Variants in SEPTIN10 observed in about 807,000 individuals in gnomAD.
SEPTIN10 encodes the protein septin 10.
Under a neutral mutation model 54.8 loss-of-function variants are expected in SEPTIN10, and 66 were observed. That is an observed-to-expected ratio of 1.21 (90% CI 0.99 to 1.48). The LOEUF is 1.48. Ranked by LOEUF, SEPTIN10 falls within the 40% of genes most tolerant of loss-of-function variation. The pLI is 0.00. For synonymous variants in SEPTIN10, 161 were observed against 181.0 expected, an observed-to-expected ratio of 0.89 and a Z score of 0.89; for missense variants, 620 against 545.6, an observed-to-expected ratio of 1.14 and a Z score of -1.36.
chr2:109,608,067 C>CTATACATCT lies in SEPTIN10; in HGVS notation c.30+5730_30+5731insAGATGTATA, dbSNP rs765518721. ...AGTGAGAACATTTCTCATCTATACA[C>CTATACATCT]ATAGAATTAAACTTAGTCAACTATC... On this transcript the variant is annotated intron_variant, in intron 1 of 10. Coordinates refer to ENST00000397712, the MANE Select transcript of SEPTIN10 (RefSeq NM_144710.5). 7.0e-3 allele frequency among the ~76,000 whole-genome samples: 1,068 copies of CTATACATCT among 152,364 alleles called. 3 individuals carry two copies. Among genetic ancestry groups the CTATACATCT allele is most frequent in the Non-Finnish European group, 0.012 (841 of 68,032 alleles).
intron 1 of SEPTIN10, among the ~76,000 whole-genome samples, chr2:109,609,611 G>A (rs1036317): frequency 0.2 from 17,572 of 89,520 alleles, 1,168 homozygotes; most frequent in African/African-American, 0.22. Flanking sequence ...GCAAGACTCC[G>A]CCTCAAAAAA....
At chr2:109,613,665 A>T in intron 1 of SEPTIN10, 133 bp downstream of exon 1, 1 of 560,990 alleles carries the variant, frequency 1.8e-6, no homozygotes, top group Non-Finnish European at 2.6e-6. Context: ...GCCGGGGAGC[A>T]CTGGGCGGGC....
chr2:109,613,874 G>C lies in SEPTIN10; in HGVS notation c.-47C>G. On this transcript the variant is annotated 5_prime_UTR_variant, in exon 1 of 11. Coordinates refer to ENST00000397712, the MANE Select transcript of SEPTIN10 (RefSeq NM_144710.5). ...GAAGCGGCTGTATCAGCCCGGCCCC[G>C]AGCGGCTGGTCCCGGCGACGGCGGC... 8.1e-7 allele frequency: 1 copy of C among 1,230,956 alleles called. No homozygotes were observed. The highest frequency in any genetic ancestry group is 1.0e-6 in the Non-Finnish European group (1 of 987,928). The allele number at this position is 1,230,956 out of a possible 1,614,324, so 76.3% of individuals were successfully genotyped here.
chr2:109,600,304 A>G (rs1696332626), intron 1 of SEPTIN10, among the ~76,000 whole-genome samples: 1 of 152,094 alleles, frequency 6.6e-6, no homozygotes, highest in African/African-American at 2.4e-5. Context: ...TTTCACAGGC[A>G]ATACTACCCC....
At chr2:109,604,161 CA>C (rs34166921) in intron 1 of SEPTIN10, among the ~76,000 whole-genome samples, 243 of 58,684 alleles carry the variant, frequency 4.1e-3, no homozygotes, top group South Asian at 0.028. Flanking sequence ...GACTCTGCCT[CA>C]AAAAAAAAAA....
chr2:109,545,753 G>C, intron 10 of SEPTIN10: 3 of 1,426,806 alleles, frequency 2.1e-6, no homozygotes, highest in Non-Finnish European at 2.7e-6. Flanking sequence ...TATTCAATAA[G>C]AGCAGCCATT....
At chr2:109,606,892 CCCACCCACCTCAG>C (rs978585648) in intron 1 of SEPTIN10, among the ~76,000 whole-genome samples, 1 of 151,870 alleles carries the variant, frequency 6.6e-6, no homozygotes, top group Non-Finnish European at 1.5e-5. Context: ...CCGGAGGTGA[CCCACCCACCTCAG>C]CCTCCCAAAG....
intron 6 of SEPTIN10, 35 bp downstream of exon 6, chr2:109,567,780 T>G (rs763420606): frequency 5.3e-5 from 81 of 1,526,550 alleles, no homozygotes; most frequent in Non-Finnish European, 6.9e-5. Flanking sequence ...TATTTTCACA[T>G]GGAAAACAGA....
rs1053227558 is a variant in SEPTIN10, at chr2:109,584,289, C to A, written c.413+837G>T. The stretch of plus-strand genomic sequence containing the variant: ...GTCAGGAGGTCGAGACCAGCCTGGC[C>A]AACAAGGTGAAACCCGTCTCTACTA... On this transcript the variant is annotated intron_variant, in intron 4 of 10. Transcript: ENST00000397712. Among the ~76,000 whole-genome samples, 9 of 45,930 alleles carry A rather than the reference C, an allele frequency of 2.0e-4. No individual in the cohort carries two copies. In the Admixed American group the frequency reaches 2.3e-3, roughly 12 times the overall value. The allele number at this position is 45,930 out of a possible 152,430, so 30.1% of individuals were successfully genotyped here.
intron 4 of SEPTIN10, among the ~76,000 whole-genome samples, chr2:109,580,648 GT>G (rs1690890733): frequency 6.6e-6 from 1 of 152,116 alleles, no homozygotes; most frequent in South Asian, 2.1e-4. Flanking sequence ...AATAAAGCCT[GT>G]CTTCAGTCAT....
intron 1 of SEPTIN10, among the ~76,000 whole-genome samples, chr2:109,609,289 A>T (rs1698704461): frequency 6.6e-6 from 1 of 152,248 alleles, no homozygotes; most frequent in South Asian, 2.1e-4. Context: ...ATATAAAAAA[A>T]TAATGCCTGT....
chr2:109,612,772 G>A (rs1195230011), intron 1 of SEPTIN10, among the ~76,000 whole-genome samples: 1 of 152,184 alleles, frequency 6.6e-6, no homozygotes, highest in Non-Finnish European at 1.5e-5. Flanking sequence ...CAGAAAATTT[G>A]AGATTTTTAA....
chr2:109,569,868 T>A (rs1381904458), intron 5 of SEPTIN10, among the ~76,000 whole-genome samples: 1 of 152,140 alleles, frequency 6.6e-6, no homozygotes, highest in Non-Finnish European at 1.5e-5. Flanking sequence ...TAACTTTCCA[T>A]GTCAAGCAGT....
rs763035629 is a variant in SEPTIN10, at chr2:109,553,177, A to G, written c.1071T>C (p.Gly357=). The part of the protein sequence containing the change: ...TYEAKRHEFH[G]ERQRKEEEMK... ...TTTCTTCTTCCTTCCTCTGACGTTC[A>G]CCATGGAACTCATGTCTTTTGGCTT... Residue 357 remains glycine (G), a synonymous_variant, in exon 9 of 11, where the codon GGT becomes GGC. Coordinates refer to ENST00000397712, the MANE Select transcript of SEPTIN10 (RefSeq NM_144710.5). 6.2e-7 allele frequency: 1 copy of G among 1,614,134 alleles called. No homozygotes were observed. The highest frequency in any genetic ancestry group is 1.7e-5 in the Admixed American group (1 of 60,034).
Position 109,593,066 on chromosome 2 carries a change from T to A in SEPTIN10, c.84A>T (p.Ser28=). 1 of 1,599,312 alleles carries A rather than the reference T, an allele frequency of 6.3e-7. No individual in the cohort carries two copies. The highest frequency in any genetic ancestry group is 8.5e-7 in the Non-Finnish European group (1 of 1,173,622). The change falls in exon 2 of 11, where the codon TCA becomes TCT. Residue 28 remains serine (S), a synonymous_variant. Transcript: ENST00000397712. ...ACATACTCACTATCTGTTCATCATC[T>A]GATCCTTGTGAAGACATACAAGTTG... The part of the protein sequence containing the change: ...TKTTCMSSQG[S]DDEQIKRENI...
chr2:109,557,185 A>T (rs1684573072), intron 8 of SEPTIN10, among the ~76,000 whole-genome samples: 1 of 152,178 alleles, frequency 6.6e-6, no homozygotes. Context: ...AAAAATTTAA[A>T]AAAAATTATA....
At chr2:109,582,122 A>G (rs1691332002) in intron 4 of SEPTIN10, among the ~76,000 whole-genome samples, 1 of 149,838 alleles carries the variant, frequency 6.7e-6, no homozygotes, top group African/African-American at 2.4e-5. Context: ...ACTCACTCTC[A>G]CGCAAAAACC....
At position 109,543,120 on chromosome 2, in the gene SEPTIN10, T is replaced by TAAGG. The variant is rs1386530611; in HGVS notation, c.*1185_*1188dup. 2 of 152,622 alleles carry TAAGG rather than the reference T, an allele frequency of 1.3e-5. No individual in the cohort carries two copies. The highest frequency in any genetic ancestry group is 1.3e-4 in the Admixed American group (2 of 15,282). The allele number at this position is 152,622 out of a possible 1,614,324, so 9.5% of individuals were successfully genotyped here. A position where few individuals can be genotyped will look rare whatever the true frequency, so the allele number is the denominator to read the frequency against. ...CATTAAAATGTTCTGAGAATACCAGTAAGGCACTGAATGCAAATACCACCT... is the reference window on the plus strand; with the variant it reads ...CATTAAAATGTTCTGAGAATACCAGTAAGGAAGGCACTGAATGCAAATACCACCT... On this transcript the variant is annotated 3_prime_UTR_variant, in exon 11 of 11. Coordinates refer to ENST00000397712, the MANE Select transcript of SEPTIN10 (RefSeq NM_144710.5).
intron 2 of SEPTIN10, among the ~76,000 whole-genome samples, chr2:109,589,192 G>T (rs1573719122): frequency 6.6e-6 from 1 of 152,010 alleles, no homozygotes; most frequent in Non-Finnish European, 1.5e-5. Flanking sequence ...ACCCAGGCTG[G>T]AGTGCAGTCG....
Sources: gnomAD v4.1 joint callset for allele counts (sites outside exome capture counted in the v4.1 genomes callset) on GRCh38, gnomAD v4.1.1 for gene constraint, MANE v1.5 for transcripts, NCBI Gene and HGNC (gene_info 2026-07-23, HGNC 2026-07-21) for gene names.